Variants in TMPO observed in about 807,000 individuals in gnomAD.
TMPO encodes the protein thymopoietin.
Under a neutral mutation model 45.4 loss-of-function variants are expected in TMPO, and 22 were observed. That is an observed-to-expected ratio of 0.48 (90% CI 0.35 to 0.69). TMPO has a LOEUF of 0.69. TMPO is among the 30% of genes least tolerant of loss of function. The pLI, the probability that TMPO is intolerant of heterozygous loss-of-function variation, is 0.01. For synonymous variants in TMPO, 241 were observed against 204.1 expected, an observed-to-expected ratio of 1.18 and a Z score of -1.54; for missense variants, 512 against 548.8, an observed-to-expected ratio of 0.93 and a Z score of 0.67.
rs948880259 is a variant in TMPO, at chr12:98,541,392, A to T, written c.664-2838A>T. 2.0e-5 allele frequency among the ~76,000 whole-genome samples: 3 copies of T among 152,182 alleles called. No homozygotes were observed. The South Asian group carries it at 6.2e-4, about 31-fold the overall frequency. On this transcript the variant is annotated intron_variant, in intron 4 of 8. Coordinates refer to ENST00000556029, the MANE Select transcript of TMPO (RefSeq NM_001032283.3). ...TATAAATACAGGCTAATTTTGGGTT[A>T]TGTTATACTTGTATCATTTTTATCT...
intron 2 of TMPO, 111 bp from the exon 3 acceptor site, chr12:98,531,569 G>A: frequency 8.4e-7 from 1 of 1,192,520 alleles, no homozygotes; most frequent in South Asian, 1.3e-5. Context: ...AAGAACTTGA[G>A]TTTAGAAAAA....
chr12:98,534,435 G>A (rs1877442945), intron 3 of TMPO: 2 of 1,584,880 alleles, frequency 1.3e-6, no homozygotes, highest in Admixed American at 1.7e-5. Context: ...TTTCCAGATA[G>A]GGCTAATTAC....
intron 1 of TMPO, among the ~76,000 whole-genome samples, chr12:98,523,159 A>C (rs1876498978): frequency 6.6e-6 from 1 of 152,220 alleles, no homozygotes; most frequent in Non-Finnish European, 1.5e-5. Context: ...TGAAACTGCT[A>C]ATCATGTACA....
intron 3 of TMPO, chr12:98,534,972 GT>G (rs1877482979): frequency 1.1e-6 from 1 of 878,016 alleles, no homozygotes; most frequent in African/African-American, 1.8e-5. Context: ...TACTTTTTAG[GT>G]CAATGACAGG....
chr12:98,522,293 G>A (rs1040819798), intron 1 of TMPO, among the ~76,000 whole-genome samples: 3 of 152,170 alleles, frequency 2.0e-5, no homozygotes, highest in Non-Finnish European at 2.9e-5. Flanking sequence ...GGGATTGTAG[G>A]TGTGAGCTGC....
At chr12:98,528,083 G>C in intron 2 of TMPO, 71 bp downstream of exon 2, 13 of 1,578,756 alleles carry the variant, frequency 8.2e-6, no homozygotes, top group Non-Finnish European at 1.1e-5. Context: ...TCTCCTTTTT[G>C]TTTAGCAGTT....
Position 98,547,985 on chromosome 12 carries a change from C to T in TMPO, c.*127C>T. 3 of 1,113,956 alleles carry T rather than the reference C, an allele frequency of 2.7e-6. No homozygotes were observed. The highest frequency in any genetic ancestry group is 3.9e-6 in the Non-Finnish European group (3 of 775,228). The allele number at this position is 1,113,956 out of a possible 1,614,324, so 69.0% of individuals were successfully genotyped here. Reference sequence around the variant, plus strand: ...TTTCGCCTCAATAAATGTAGTATTTCATTGAAAAGCAAACAAAATATATAT... The same window carrying T: ...TTTCGCCTCAATAAATGTAGTATTTTATTGAAAAGCAAACAAAATATATAT... On this transcript the variant is annotated 3_prime_UTR_variant, in exon 9 of 9. Transcript: ENST00000556029.
chr12:98,537,754 T>TA, intron 4 of TMPO, 182 bp downstream of exon 4: 1 of 666,782 alleles, frequency 1.5e-6, no homozygotes, highest in Non-Finnish European at 2.7e-6. Flanking sequence ...AGCCTGTGAT[T>TA]ACAGCAAAAG....
At chr12:98,532,988 T>C (rs1877303116) in intron 3 of TMPO, 1 of 1,614,016 alleles carries the variant, frequency 6.2e-7, no homozygotes, top group Admixed American at 1.7e-5. Flanking sequence ...GCTAAGAAAG[T>C]ACATACTTCT....
At chr12:98,540,994 T>C (rs572866175) in intron 4 of TMPO, among the ~76,000 whole-genome samples, 49 of 152,296 alleles carry the variant, frequency 3.2e-4, no homozygotes, top group African/African-American at 1.2e-3. Context: ...GTCTATTATT[T>C]TGAGGTTTTT....
At chr12:98,525,557 A>G (rs1876698461) in intron 1 of TMPO, among the ~76,000 whole-genome samples, 1 of 152,166 alleles carries the variant, frequency 6.6e-6, no homozygotes, top group Admixed American at 6.5e-5. Context: ...CCTGGCCAAC[A>G]TGCTGAAACC....
At chr12:98,520,896 A>G (rs904524418) in intron 1 of TMPO, among the ~76,000 whole-genome samples, 1 of 152,064 alleles carries the variant, frequency 6.6e-6, no homozygotes, top group Non-Finnish European at 1.5e-5. Flanking sequence ...CTTAAAGAAT[A>G]TTTATAATCT....
intron 3 of TMPO, chr12:98,534,424 GT>G: frequency 6.3e-7 from 1 of 1,594,008 alleles, no homozygotes. Context: ...GGTTGTTTTA[GT>G]TTCCAGATAG....
chr12:98,516,087 A>G lies in TMPO; in HGVS notation c.220A>G (p.Thr74Ala). 1 of 1,585,222 alleles carries G rather than the reference A, an allele frequency of 6.3e-7. No individual in the cohort carries two copies. Among genetic ancestry groups the G allele is most frequent in the South Asian group, 1.1e-5 (1 of 88,680 alleles). ...DFSSDEEREP[T>A]PVLGSGAAAA... is the part of the protein sequence containing the mutation. ...CTCCAGTGACGAAGAGCGCGAGCCC[A>G]CCCCGGTCCTCGGCTCTGGGGCCGC... The change falls in exon 1 of 9, where the codon ACC (threonine) becomes GCC (alanine). Residue 74 changes from threonine to alanine, a missense_variant. Thr to Ala is a moderately conservative substitution (Grantham distance 58). Around this residue, in one of 3 missense-constraint regions of TMPO, gnomAD observed 299 missense variants for 296.7 expected, o/e 1.01. Transcript: ENST00000556029.
At chr12:98,522,064 C>CA (rs2121138495) in intron 1 of TMPO, among the ~76,000 whole-genome samples, 1 of 152,046 alleles carries the variant, frequency 6.6e-6, no homozygotes, top group East Asian at 1.9e-4. Context: ...GATAGGGTCT[C>CA]GCTCTGTCCC....
At chr12:98,518,117 C>T (rs369236936) in intron 1 of TMPO, among the ~76,000 whole-genome samples, 29 of 149,326 alleles carry the variant, frequency 1.9e-4, no homozygotes, top group African/African-American at 7.2e-4. Flanking sequence ...CGCACTCCAG[C>T]CTGGGGGACA....
At chr12:98,533,855 T>C (rs761116466) in intron 3 of TMPO, 1 of 1,614,216 alleles carries the variant, frequency 6.2e-7, no homozygotes, top group Admixed American at 1.7e-5. Context: ...ATATTATCAG[T>C]TCCAAAAGTA....
intron 4 of TMPO, among the ~76,000 whole-genome samples, chr12:98,538,709 A>G (rs1877721899): frequency 1.3e-5 from 2 of 152,188 alleles, no homozygotes; most frequent in African/African-American, 2.4e-5. Flanking sequence ...CCTTAAGGCA[A>G]GTCAGTCTCT....
intron 4 of TMPO, among the ~76,000 whole-genome samples, chr12:98,539,471 CTTTTT>C (rs398039980): frequency 2.4e-5 from 3 of 123,486 alleles, no homozygotes; most frequent in Admixed American, 8.3e-5. Flanking sequence ...TTTTAAATTA[CTTTTT>C]TTTTTTTTTT....
Sources: gnomAD v4.1 joint callset for allele counts (sites outside exome capture counted in the v4.1 genomes callset) on GRCh38, gnomAD v4.1.1 for gene constraint, gnomAD v4.1.1 regional missense constraint, MANE v1.5 for transcripts, NCBI Gene and HGNC (gene_info 2026-07-23, HGNC 2026-07-21) for gene names.